Variants in HHIPL2 observed in about 807,000 individuals in gnomAD.
The protein encoded by HHIPL2 is HHIP like 2.
In HHIPL2, 61 loss-of-function variants were observed where a neutral mutation model predicts 61.0. The observed-to-expected ratio is 1.00, with a 90% CI of 0.81 to 1.24. HHIPL2 has a LOEUF of 1.24. Among genes scored for constraint, HHIPL2 ranks in the 50% most tolerant of loss-of-function variants. The pLI is 0.00. For missense variants in HHIPL2, 885 were observed against 910.2 expected (o/e 0.97, Z 0.36); for synonymous variants, 343 against 357.4 (o/e 0.96, Z 0.45).
rs763269617 is a variant in HHIPL2, at chr1:222,542,180, C to T, written c.975-25G>A. On this transcript the variant is annotated intron_variant, in intron 2 of 8. Transcript: ENST00000343410. ...CCTGGAAGAGAAAAAAGAAACCACA[C>T]GTTAGGATTTGACACAAGCTGAAGC... The T allele has an allele frequency of 6.2e-6, 10 of 1,609,804 alleles. No individual in the cohort carries two copies. The Admixed American group carries it at 8.5e-5, about 14-fold the overall frequency.
At chr1:222,524,682 AG>A (rs1313976641) in intron 7 of HHIPL2, among the ~76,000 whole-genome samples, 1 of 152,242 alleles carries the variant, frequency 6.6e-6, no homozygotes, top group African/African-American at 2.4e-5. Context: ...GAAGGGTAGG[AG>A]GAAAAAATGG....
intron 5 of HHIPL2, among the ~76,000 whole-genome samples, chr1:222,536,005 C>T (rs367868288): frequency 2.0e-5 from 3 of 151,704 alleles, no homozygotes; most frequent in Admixed American, 1.3e-4. Context: ...AAGTAGTACT[C>T]GGGGGGAAAT....
chr1:222,522,578 T>G lies in HHIPL2; in HGVS notation c.*23A>C. On this transcript the variant is annotated 3_prime_UTR_variant, in exon 9 of 9. Transcript: ENST00000343410. ...GTGGCTCTCCTCTCTCACGTCACCC[T>G]GTCGGCCACCTTGACCAATAGGTCA... 6.2e-7 allele frequency: 1 copy of G among 1,604,562 alleles called. No homozygotes were observed.
intron 5 of HHIPL2, 33 bp from the exon 6 acceptor site, chr1:222,532,144 T>G (rs374009427): frequency 5.7e-4 from 905 of 1,586,564 alleles, no homozygotes; most frequent in Non-Finnish European, 7.3e-4. Context: ...TGTTTAGGAA[T>G]CCATATATCC....
intron 6 of HHIPL2, among the ~76,000 whole-genome samples, chr1:222,527,351 A>G (rs531325023): frequency 6.6e-6 from 1 of 152,310 alleles, no homozygotes; most frequent in South Asian, 2.1e-4. Context: ...TTGCCCTCAG[A>G]AACTTCACCT....
At position 222,538,772 on chromosome 1, in the gene HHIPL2, C is replaced by T. The variant is rs781259737; in HGVS notation, c.1453G>A (p.Asp485Asn). 28 of 1,613,988 alleles carry T rather than the reference C, an allele frequency of 1.7e-5. No homozygotes were observed. The highest frequency in any genetic ancestry group is 2.2e-5 in the Non-Finnish European group (26 of 1,180,020). ...CCATAAGCATAGATTGGCAGAACAT[C>T]ATCTGTCCAGGAGAGAGGAAAGAGA... ...KKLCHNASLDDVLPIYAYGHA... is the reference protein window; with the variant it reads ...KKLCHNASLDNVLPIYAYGHA... Residue 485 changes from aspartate to asparagine, a missense_variant and splice_region_variant, in exon 5 of 9, where the codon GAT (aspartate) becomes AAT (asparagine). Coordinates refer to ENST00000343410, the MANE Select transcript of HHIPL2 (RefSeq NM_024746.4).
chr1:222,542,631 T>C (rs1477573978), intron 2 of HHIPL2, among the ~76,000 whole-genome samples: 3 of 148,038 alleles, frequency 2.0e-5, no homozygotes, highest in African/African-American at 7.5e-5. Flanking sequence ...CCCAGGTTCA[T>C]GCGATTCTCC....
chr1:222,545,875 A>T (rs1177075972), intron 1 of HHIPL2, among the ~76,000 whole-genome samples: 1 of 151,680 alleles, frequency 6.6e-6, no homozygotes, highest in Non-Finnish European at 1.5e-5. Context: ...TACTAAAAAT[A>T]AAAAAATTAA....
rs181863157 is a variant in HHIPL2 at position 222,546,793 on chromosome 1, C to T, written c.321+931G>A. Among the ~76,000 whole-genome samples, 10 of 152,302 alleles carry T rather than the reference C, an allele frequency of 6.6e-5. 1 individual carries two copies. The highest frequency in any genetic ancestry group is 6.5e-4 in the Admixed American group (10 of 15,308). On this transcript the variant is annotated intron_variant, in intron 1 of 8. Transcript: ENST00000343410. Reference sequence around the variant, plus strand: ...CTGGGAAGCTCGGTTAACCACTTCACGCCCTATGTGGGAGTTACAGTGGTC... The same window carrying T: ...CTGGGAAGCTCGGTTAACCACTTCATGCCCTATGTGGGAGTTACAGTGGTC...
At chr1:222,538,529 C>T (rs777470500) in intron 5 of HHIPL2, 119 bp downstream of exon 5, 4 of 924,918 alleles carry the variant, frequency 4.3e-6, no homozygotes, top group South Asian at 3.3e-5. Context: ...TGAGTGCATA[C>T]ATTTGTAAAA....
At chr1:222,545,301 G>A (rs929047350) in intron 1 of HHIPL2, among the ~76,000 whole-genome samples, 3 of 152,168 alleles carry the variant, frequency 2.0e-5, no homozygotes, top group Non-Finnish European at 4.4e-5. Context: ...TGCTGCCATC[G>A]CTTCACAAAA....
chr1:222,535,368 T>C (rs562341812), intron 5 of HHIPL2, among the ~76,000 whole-genome samples: 2 of 152,320 alleles, frequency 1.3e-5, no homozygotes, highest in South Asian at 4.1e-4. Context: ...AACATGCATC[T>C]ACCCAAAGGA....
Position 222,522,819 on chromosome 1 carries a change from C to T in HHIPL2, c.1957G>A (p.Ala653Thr). Residue 653 changes from alanine to threonine, a missense_variant, in exon 9 of 9, where the codon GCT (alanine) becomes ACT (threonine). Coordinates refer to ENST00000343410, the MANE Select transcript of HHIPL2 (RefSeq NM_024746.4). ...AARKSSSATLASGPAQGLSEK... is the reference protein window; with the variant it reads ...AARKSSSATLTSGPAQGLSEK... ...GACAAACCCTGGGCTGGGCCAGAAG[C>T]TAAGGTTGCACTGGAAGATTTTCTA... The T allele has an allele frequency of 6.2e-7, 1 of 1,614,206 alleles. No homozygotes were observed. The highest frequency in any genetic ancestry group is 1.3e-5 in the African/African-American group (1 of 75,054).
At chr1:222,546,551 G>C (rs947786566) in intron 1 of HHIPL2, among the ~76,000 whole-genome samples, 1 of 152,240 alleles carries the variant, frequency 6.6e-6, no homozygotes, top group African/African-American at 2.4e-5. Flanking sequence ...TCATGCAAGA[G>C]GGAAGGGTCA....
chr1:222,538,195 G>GGTGTGTGTGT (rs373452655), intron 5 of HHIPL2, among the ~76,000 whole-genome samples: 2,441 of 136,190 alleles, frequency 0.018, 57 homozygotes, highest in Non-Finnish European at 0.021. Context: ...CTCTGGCTGG[G>GGTGTGTGTGT]GTGTGTGTGT....
At position 222,523,679 on chromosome 1, in the gene HHIPL2, G is replaced by T; in HGVS notation, c.1821C>A (p.Gly607=). Residue 607 remains glycine, a synonymous_variant, in exon 8 of 9, where the codon GGC becomes GGA. Transcript: ENST00000343410. ...CGGGCACTGGCTTGTATTTGCACTT[G>T]CCTGGGGGTGCTCGCCTAAAAACAC... The part of the protein sequence containing the change: ...FVDPSRRAPP[G]KCKYKPVPVR... 6.2e-7 allele frequency: 1 copy of T among 1,614,174 alleles called. No individual in the cohort carries two copies. Among genetic ancestry groups the T allele is most frequent in the South Asian group, 1.1e-5 (1 of 91,082 alleles).
intron 3 of HHIPL2, 118 bp downstream of exon 3, chr1:222,541,894 C>T: frequency 1.9e-6 from 2 of 1,038,262 alleles, no homozygotes; most frequent in Non-Finnish European, 2.7e-6. Context: ...CTCCCATTGC[C>T]TCAGTGGAGT....
At chr1:222,541,890 T>C (rs958109736) in intron 3 of HHIPL2, 122 bp downstream of exon 3, 34 of 986,864 alleles carry the variant, frequency 3.4e-5, no homozygotes, top group Non-Finnish European at 4.8e-5. Flanking sequence ...GTTCCTCCCA[T>C]TGCCTCAGTG....
Position 222,540,264 on chromosome 1 carries a change from G to C in HHIPL2, c.1196C>G (p.Ser399Trp). 1 of 1,614,244 alleles carries C rather than the reference G, an allele frequency of 6.2e-7. No homozygotes were observed. The highest frequency in any genetic ancestry group is 1.1e-5 in the South Asian group (1 of 91,090). Residue 399 changes from serine (S) to tryptophan (W), a missense_variant, in exon 4 of 9, where the codon TCG (serine) becomes TGG (tryptophan). Ser to Trp is a radical substitution (Grantham distance 177). Transcript: ENST00000343410. ...TGGCTCAGAAACAAATGGATTGTCC[G>C]AGGGGACTCGGTACCGCTTGCCATG... is the stretch of plus-strand genomic sequence containing the variant. ...GSHGKRYRVP[S>W]DNPFVSEPGA...
Sources: gnomAD v4.1 joint callset for allele counts (sites outside exome capture counted in the v4.1 genomes callset) on GRCh38, gnomAD v4.1.1 for gene constraint, MANE v1.5 for transcripts, NCBI Gene and HGNC (gene_info 2026-07-23, HGNC 2026-07-21) for gene names.